The following KCNK12 variants were observed in gnomAD, a reference collection of about 807,000 sequenced individuals.
KCNK12 encodes the protein potassium two pore domain channel subfamily K member 12.
A neutral mutation model predicts 25.3 loss-of-function variants in KCNK12; 6 were observed. The observed-to-expected ratio is 0.24, with a 90% CI of 0.13 to 0.47. The LOEUF is 0.47. Ranked by LOEUF, KCNK12 falls within the 20% of genes least tolerant of loss-of-function variation. The pLI, the probability that KCNK12 is intolerant of heterozygous loss-of-function variation, is 0.99. For missense variants in KCNK12, 444 were observed against 661.7 expected (o/e 0.67, Z 3.61); for synonymous variants, 331 against 311.1 (o/e 1.06, Z -0.67).
At chr2:47,530,300 C>T (rs1437024405) in intron 1 of KCNK12, among the ~76,000 whole-genome samples, 1 of 152,152 alleles carries the variant, frequency 6.6e-6, no homozygotes, top group Admixed American at 6.5e-5. Flanking sequence ...TCTGGCCAGA[C>T]TCAGTGGGGG....
rs145863558 is a variant in KCNK12 at position 47,536,220 on chromosome 2, C to T, written c.392-14412G>A. ...GGAATGACTTATTTCCTTTTCTCTTCGCCTGTCTGAATCCTCGCCATCATC... is the reference window on the plus strand; with the variant it reads ...GGAATGACTTATTTCCTTTTCTCTTTGCCTGTCTGAATCCTCGCCATCATC... On this transcript the variant is annotated intron_variant, in intron 1 of 1. Transcript: ENST00000327876. Among the ~76,000 whole-genome samples, 8 of 152,352 alleles carry T rather than the reference C, an allele frequency of 5.3e-5. No homozygotes were observed. The East Asian group carries it at 5.8e-4, about 11-fold the overall frequency.
At chr2:47,537,863 G>A (rs186474378) in intron 1 of KCNK12, among the ~76,000 whole-genome samples, 7 of 152,294 alleles carry the variant, frequency 4.6e-5, no homozygotes, top group African/African-American at 1.4e-4. Flanking sequence ...CAAGAGAAGC[G>A]GTTTGGGAGG....
rs547039007 is a variant in KCNK12 at position 47,557,995 on chromosome 2, G to A, written c.391+11946C>T. On this transcript the variant is annotated intron_variant, in intron 1 of 1. Transcript: ENST00000327876. The surrounding 1 kb of genome is among the most constrained non-coding windows in gnomAD (Gnocchi z 4.9). ...GGAGCTTTGGAATGAATCCCTTTGA[G>A]AAGCAAAGCCTTCTTTTACAAAGCA... Among the ~76,000 whole-genome samples, 60 of 152,312 alleles carry A rather than the reference G, an allele frequency of 3.9e-4. No individual in the cohort carries two copies. The highest frequency in any genetic ancestry group is 1.4e-3 in the African/African-American group (60 of 41,574).
intron 1 of KCNK12, among the ~76,000 whole-genome samples, chr2:47,524,721 AT>A (rs1487584852): frequency 6.6e-6 from 1 of 152,174 alleles, no homozygotes; most frequent in Admixed American, 6.5e-5. Flanking sequence ...AATCTGTTAA[AT>A]TGTATGTTTT....
chr2:47,526,578 C>T (rs1668783463), intron 1 of KCNK12, among the ~76,000 whole-genome samples: 1 of 151,600 alleles, frequency 6.6e-6, no homozygotes, highest in African/African-American at 2.4e-5. Flanking sequence ...ACTAAAAATA[C>T]AAAAATTAGC....
rs1462386188 is a variant in KCNK12, at chr2:47,565,499, T to A, written c.391+4442A>T. ...AGTGACAACTCTTATACCTACACCATCCCGTCTACAGCGGCATGATTTTAG... is the reference window on the plus strand; with the variant it reads ...AGTGACAACTCTTATACCTACACCAACCCGTCTACAGCGGCATGATTTTAG... On this transcript the variant is annotated intron_variant, in intron 1 of 1. Coordinates refer to ENST00000327876, the MANE Select transcript of KCNK12 (RefSeq NM_022055.2). The surrounding 1 kb of genome is among the most constrained non-coding windows in gnomAD (Gnocchi z 5.0). 3.3e-5 allele frequency: 5 copies of A among 152,162 alleles called. No individual in the cohort carries two copies. Among genetic ancestry groups the A allele is most frequent in the Admixed American group, 3.3e-4 (5 of 15,274 alleles). 9.4% of individuals were successfully genotyped at this position (152,162 alleles called of 1,614,324 possible). A position where few individuals can be genotyped will look rare whatever the true frequency, so the allele number is the denominator to read the frequency against.
chr2:47,513,063 C>T lies in KCNK12; in HGVS notation c.*7844G>A, dbSNP rs1668441912. On this transcript the variant is annotated 3_prime_UTR_variant, in exon 2 of 2. Transcript: ENST00000327876. Reference sequence around the variant, plus strand: ...GGCAAGGGAACACAAGTGATAGGTACAGATAGAAGTGTCTGATACTACATA... The same window carrying T: ...GGCAAGGGAACACAAGTGATAGGTATAGATAGAAGTGTCTGATACTACATA... 2 of 153,132 alleles carry T rather than the reference C, an allele frequency of 1.3e-5. No homozygotes were observed. The highest frequency in any genetic ancestry group is 2.9e-5 in the Non-Finnish European group (2 of 68,728). 9.5% of individuals were successfully genotyped at this position (153,132 alleles called of 1,614,324 possible). A position where few individuals can be genotyped will look rare whatever the true frequency, so the allele number is the denominator to read the frequency against.
intron 1 of KCNK12, among the ~76,000 whole-genome samples, chr2:47,531,933 G>T (rs749006130): frequency 6.6e-6 from 1 of 152,056 alleles, no homozygotes; most frequent in Non-Finnish European, 1.5e-5. Context: ...GGCACCTAGG[G>T]GTGCTAGCAA....
At chr2:47,534,290 C>T (rs564423826) in intron 1 of KCNK12, among the ~76,000 whole-genome samples, 1 of 152,152 alleles carries the variant, frequency 6.6e-6, no homozygotes, top group East Asian at 1.9e-4. Context: ...AGAAATCATT[C>T]AGCAAAATGA....
rs1344675199 is a variant in KCNK12, at chr2:47,556,222, G to A, written c.391+13719C>T. On this transcript the variant is annotated intron_variant, in intron 1 of 1. Transcript: ENST00000327876. The surrounding 1 kb of genome is among the most constrained non-coding windows in gnomAD (Gnocchi z 4.8). The stretch of plus-strand genomic sequence containing the variant: ...TAAATTAACAATGCATGGGGAGTGG[G>A]TAATGACAGGAACTAAGCCCTGGAG... Among the ~76,000 whole-genome samples the A allele has an allele frequency of 6.6e-6, 1 of 152,214 alleles. No homozygotes were observed. The highest frequency in any genetic ancestry group is 1.5e-5 in the Non-Finnish European group (1 of 68,048).
At chr2:47,534,438 C>CT (rs1385366715) in intron 1 of KCNK12, among the ~76,000 whole-genome samples, 1 of 144,202 alleles carries the variant, frequency 6.9e-6, no homozygotes, top group Non-Finnish European at 1.5e-5. Context: ...CCAGGCCCCC[C>CT]CCACCGCCAC....
In KCNK12 at chr2:47,511,388, G is replaced by A. The variant is rs115944287; in HGVS notation, c.*9519C>T. Among the ~76,000 whole-genome samples the A allele has an allele frequency of 4.0e-3, 615 of 152,288 alleles. 8 individuals carry two copies. The highest frequency in any genetic ancestry group is 0.014 in the African/African-American group (593 of 41,558). On this transcript the variant is annotated 3_prime_UTR_variant, in exon 2 of 2. Coordinates refer to ENST00000327876, the MANE Select transcript of KCNK12 (RefSeq NM_022055.2). This position sits in a 1 kb window ranked among gnomAD's most constrained non-coding sequence, Gnocchi z 4.3. ...AATTAGGCTTTTAATATAAATATTT[G>A]TGTGCCTGCGCCTGCATATATGTAT...
At chr2:47,568,420 T>G (rs2104906856) in intron 1 of KCNK12, among the ~76,000 whole-genome samples, 1 of 152,304 alleles carries the variant, frequency 6.6e-6, no homozygotes, top group East Asian at 1.9e-4. Flanking sequence ...ATATAGCTTT[T>G]TAAAGGGTAT....
chr2:47,514,232 C>T lies in KCNK12; in HGVS notation c.*6675G>A, dbSNP rs1266758161. On this transcript the variant is annotated 3_prime_UTR_variant, in exon 2 of 2. Transcript: ENST00000327876. This position sits in a 1 kb window ranked among gnomAD's most constrained non-coding sequence, Gnocchi z 5.0. Reference sequence around the variant, plus strand: ...CAGCATGGACAGCTGCTTCTGAGAGCCTTCTCTGCCTACCCAGGCTGGGTG... The same window carrying T: ...CAGCATGGACAGCTGCTTCTGAGAGTCTTCTCTGCCTACCCAGGCTGGGTG... Among the ~76,000 whole-genome samples, 1 of 152,210 alleles carries T rather than the reference C, an allele frequency of 6.6e-6. No individual in the cohort carries two copies. The highest frequency in any genetic ancestry group is 1.5e-5 in the Non-Finnish European group (1 of 68,028).
Position 47,546,939 on chromosome 2 carries a change from G to A in KCNK12, c.391+23002C>T, listed in dbSNP as rs1669327542. 2.7e-5 allele frequency among the ~76,000 whole-genome samples: 4 copies of A among 147,796 alleles called. No individual in the cohort carries two copies. In the South Asian group the frequency reaches 6.9e-4, roughly 26 times the overall value. ...AGCTGAGAAGGGGAGGGAGGGAGGGGAACTGCCCTGAAGAACCCTGGAGAG... is the reference window on the plus strand; with the variant it reads ...AGCTGAGAAGGGGAGGGAGGGAGGGAAACTGCCCTGAAGAACCCTGGAGAG... On this transcript the variant is annotated intron_variant, in intron 1 of 1. Transcript: ENST00000327876.
chr2:47,568,702 CAGA>C (rs1219384653), intron 1 of KCNK12, among the ~76,000 whole-genome samples: 2 of 152,188 alleles, frequency 1.3e-5, no homozygotes, highest in African/African-American at 4.8e-5. Context: ...CAAACCACTC[CAGA>C]AGGTGTGTCT....
rs913810302 is a variant in KCNK12, at chr2:47,520,922, G to C, written c.1278C>G (p.Thr426=). The C allele has an allele frequency of 3.2e-6, 4 of 1,261,280 alleles. No homozygotes were observed. The highest frequency in any genetic ancestry group is 3.1e-5 in the East Asian group (1 of 31,846). 78.1% of individuals were successfully genotyped at this position (1,261,280 alleles called of 1,614,324 possible). ...GACGGGCGGTCTACCTGGAGGCGCT[G>C]GTCTCGGCCAGCCGGTTGTTCATGA... ...LGIMNNRLAE[T]SASR is the part of the protein sequence containing the mutation. The change falls in exon 2 of 2, where the codon ACC becomes ACG. Residue 426 remains threonine, a synonymous_variant. Transcript: ENST00000327876. This position sits in a 1 kb window ranked among gnomAD's most constrained non-coding sequence, Gnocchi z 5.0.
At position 47,560,997 on chromosome 2, in the gene KCNK12, C is replaced by T. The variant is rs912057788; in HGVS notation, c.391+8944G>A. Among the ~76,000 whole-genome samples, 4 of 152,194 alleles carry T rather than the reference C, an allele frequency of 2.6e-5. No homozygotes were observed. Among genetic ancestry groups the T allele is most frequent in the African/African-American group, 4.8e-5 (2 of 41,436 alleles). On this transcript the variant is annotated intron_variant, in intron 1 of 1. Transcript: ENST00000327876. The surrounding 1 kb of genome is among the most constrained non-coding windows in gnomAD (Gnocchi z 4.7). ...TGGGGTGCAGGGAGCAGCAGCCTGGCACCCACACATGGGGCTATTTGCTGC... is the reference window on the plus strand; with the variant it reads ...TGGGGTGCAGGGAGCAGCAGCCTGGTACCCACACATGGGGCTATTTGCTGC...
Position 47,510,625 on chromosome 2 carries a change from C to T in KCNK12, c.*10282G>A, listed in dbSNP as rs542793911. ...GTCAGCTATGAATATGACCAACTCT[C>T]GTCGTTTATCTCTATTCAGTGGAAC... On this transcript the variant is annotated 3_prime_UTR_variant, in exon 2 of 2. Coordinates refer to ENST00000327876, the MANE Select transcript of KCNK12 (RefSeq NM_022055.2). Among the ~76,000 whole-genome samples the T allele has an allele frequency of 3.3e-5, 5 of 152,310 alleles. No individual in the cohort carries two copies. The highest frequency in any genetic ancestry group is 1.9e-4 in the East Asian group (1 of 5,188).
Sources: gnomAD v4.1 joint callset for allele counts (sites outside exome capture counted in the v4.1 genomes callset) on GRCh38, gnomAD v4.1.1 for gene constraint, Gnocchi (gnomAD v3.1) non-coding constraint, MANE v1.5 for transcripts, NCBI Gene and HGNC (gene_info 2026-07-23, HGNC 2026-07-21) for gene names.